The following NAV3 variants were observed in gnomAD, a reference collection of about 807,000 sequenced individuals.
NAV3 encodes pore membrane and/or filament interacting like protein 1.
A neutral mutation model predicts 244.7 loss-of-function variants in NAV3; 87 were observed. The observed-to-expected ratio is 0.36, with a 90% CI of 0.30 to 0.42. The LOEUF (loss-of-function observed/expected upper bound fraction) is 0.42. Ranked by LOEUF, NAV3 falls within the 20% of genes least tolerant of loss-of-function variation. The probability of loss-of-function intolerance (pLI) is 1.00; values close to 1 mark genes in which losing one functional copy is unlikely to be tolerated. For missense variants in NAV3, 2,663 were observed against 2,893.3 expected, an observed-to-expected ratio of 0.92 and a Z score of 1.83; for synonymous variants, 1,126 against 1,042.2, an observed-to-expected ratio of 1.08 and a Z score of -1.55.
intron 38 of NAV3, among the ~76,000 whole-genome samples, chr12:78,204,454 A>G (rs1960074236): frequency 6.6e-6 from 1 of 152,180 alleles, no homozygotes; most frequent in South Asian, 2.1e-4. Flanking sequence ...TTCCTACTCT[A>G]AAAGACAGTT....
At chr12:77,994,969 G>C in intron 6 of NAV3, 98 bp downstream of exon 6, 2 of 824,744 alleles carry the variant, frequency 2.4e-6, no homozygotes, top group Non-Finnish European at 3.8e-6. Context: ...ATGCACTTCT[G>C]AATGAGAAGT....
chr12:78,078,396 T>G, intron 12 of NAV3, among the ~76,000 whole-genome samples: 1 of 117,896 alleles, frequency 8.5e-6, no homozygotes, highest in East Asian at 2.6e-4. Flanking sequence ...TTTTTTTTTT[T>G]TTTTTTTTTT....
intron 30 of NAV3, among the ~76,000 whole-genome samples, chr12:78,184,444 A>T (rs537985692): frequency 6.6e-6 from 1 of 151,846 alleles, no homozygotes; most frequent in East Asian, 1.9e-4. Flanking sequence ...GACTATTAAG[A>T]TGTTAACTTG....
In NAV3 at chr12:78,211,657, G is replaced by A. The variant is rs1259729058; in HGVS notation, c.*1140G>A. The A allele has an allele frequency of 6.6e-6, 1 of 152,484 alleles. No individual in the cohort carries two copies. The highest frequency in any genetic ancestry group is 1.9e-4 in the East Asian group (1 of 5,182). The allele number at this position is 152,484 out of a possible 1,614,324, so 9.4% of individuals were successfully genotyped here. On this transcript the variant is annotated 3_prime_UTR_variant, in exon 40 of 40. Transcript: ENST00000397909. ...AGTGAAAGAGTTTCAGAAGGCAGAAGATTTTGAATTATTATCCAGCAGGGC... is the reference window on the plus strand; with the variant it reads ...AGTGAAAGAGTTTCAGAAGGCAGAAAATTTTGAATTATTATCCAGCAGGGC...
At chr12:77,837,891 A>G (rs569401595) in intron 1 of NAV3, among the ~76,000 whole-genome samples, 1 of 152,358 alleles carries the variant, frequency 6.6e-6, no homozygotes, top group South Asian at 2.1e-4. Context: ...AAGGAACCCC[A>G]TGTTAGAAAT....
At chr12:77,968,839 A>G (rs1402292964) in intron 5 of NAV3, 137 bp downstream of exon 5, 11 of 825,636 alleles carry the variant, frequency 1.3e-5, no homozygotes, top group Admixed American at 3.1e-5. Flanking sequence ...TGACTTGTGT[A>G]ATAGAAACTA....
chr12:77,807,938 T>C (rs1872069857), intron 2 of NAV3, among the ~76,000 whole-genome samples: 1 of 152,204 alleles, frequency 6.6e-6, no homozygotes, highest in Non-Finnish European at 1.5e-5. Flanking sequence ...CTTCAATCTC[T>C]GATAACTTTT....
intron 2 of NAV3, among the ~76,000 whole-genome samples, chr12:77,736,412 G>T (rs901072745): frequency 6.6e-6 from 1 of 152,148 alleles, no homozygotes; most frequent in African/African-American, 2.4e-5. Flanking sequence ...CAGCTGAATG[G>T]TTCTTATGTC....
At chr12:78,012,144 G>T (rs912215465) in intron 8 of NAV3, among the ~76,000 whole-genome samples, 2 of 152,076 alleles carry the variant, frequency 1.3e-5, no homozygotes, top group South Asian at 4.1e-4. Flanking sequence ...TTTAGATTTT[G>T]TTTTTCTCTT....
At chr12:77,795,039 A>G (rs1217718028) in intron 2 of NAV3, among the ~76,000 whole-genome samples, 2 of 152,210 alleles carry the variant, frequency 1.3e-5, no homozygotes, top group Non-Finnish European at 2.9e-5. Context: ...ACTTGAAATC[A>G]AAAGCTGGAA....
intron 2 of NAV3, among the ~76,000 whole-genome samples, chr12:77,776,485 T>C (rs549382553): frequency 3.7e-4 from 57 of 152,304 alleles, no homozygotes; most frequent in African/African-American, 1.3e-3. Context: ...TGTCAAGTTA[T>C]TCAATTTTAG....
At chr12:77,957,839 G>A (rs1891512564) in intron 3 of NAV3, among the ~76,000 whole-genome samples, 1 of 151,970 alleles carries the variant, frequency 6.6e-6, no homozygotes, top group African/African-American at 2.4e-5. Flanking sequence ...GCTAATTTTT[G>A]TATTTTTAGT....
chr12:77,785,965 T>C (rs539184476), intron 2 of NAV3, among the ~76,000 whole-genome samples: 1 of 152,292 alleles, frequency 6.6e-6, no homozygotes, highest in South Asian at 2.1e-4. Flanking sequence ...TTAAACAAGT[T>C]ATGGCTTAGC....
chr12:78,177,046 G>T (rs1428833318), intron 26 of NAV3, 95 bp from the exon 27 acceptor site: 7 of 1,209,570 alleles, frequency 5.8e-6, no homozygotes, highest in Non-Finnish European at 8.5e-6. Flanking sequence ...CTGACCCCAG[G>T]CAGTGGCTAG....
At chr12:78,209,469 G>A (rs1960674708) in intron 39 of NAV3, among the ~76,000 whole-genome samples, 1 of 151,296 alleles carries the variant, frequency 6.6e-6, no homozygotes, top group Admixed American at 6.6e-5. Flanking sequence ...CCCTTGTAAA[G>A]ACATGTGCCA....
intron 8 of NAV3, 102 bp downstream of exon 8, chr12:78,007,547 T>C: frequency 7.8e-7 from 1 of 1,274,532 alleles, no homozygotes; most frequent in South Asian, 1.6e-5. Flanking sequence ...TATGTCGTCA[T>C]TTTGGAGTAA....
intron 2 of NAV3, among the ~76,000 whole-genome samples, chr12:77,769,111 G>T (rs754516032): frequency 1.3e-5 from 2 of 152,144 alleles, no homozygotes; most frequent in African/African-American, 4.8e-5. Flanking sequence ...GCATGGAAAG[G>T]TTCAGTAATT....
At chr12:77,657,986 C>A (rs1873206825) in intron 2 of NAV3, among the ~76,000 whole-genome samples, 1 of 152,032 alleles carries the variant, frequency 6.6e-6, no homozygotes, top group South Asian at 2.1e-4. Context: ...CTATGACAAA[C>A]CCACAGCCAA....
chr12:78,125,390 A>G (rs1458754387), intron 16 of NAV3, among the ~76,000 whole-genome samples: 4 of 152,176 alleles, frequency 2.6e-5, no homozygotes, highest in Admixed American at 1.3e-4. Flanking sequence ...AAATAATAAA[A>G]TACACTTTTT....
Sources: allele counts gnomAD v4.1 joint callset (sites outside exome capture counted in the v4.1 genomes callset), GRCh38; gene constraint gnomAD v4.1.1; transcripts MANE v1.5; gene names NCBI Gene and HGNC (gene_info 2026-07-23, HGNC 2026-07-21).